CDHR1: variants seen among roughly 807,000 people sequenced by gnomAD.
CDHR1 encodes cadherin related family member 1, also known as cadherin-related family member 1.
Under a neutral mutation model 72.1 loss-of-function variants are expected in CDHR1, and 61 were observed. The observed-to-expected ratio is 0.85, with a 90% CI of 0.69 to 1.05. The LOEUF is 1.05. Ranked by LOEUF, CDHR1 falls within the 50% of genes least tolerant of loss-of-function variation. The probability of loss-of-function intolerance (pLI) is 0.00; values close to 1 mark genes in which losing one functional copy is unlikely to be tolerated. For missense variants in CDHR1, 1,186 were observed against 1,115.7 expected (o/e 1.06, Z -0.90); for synonymous variants, 470 against 448.1 (o/e 1.05, Z -0.62).
Position 84,215,573 on chromosome 10 carries a change from C to T in CDHR1, c.*952C>T. ...TTTAAAGTCGCTGATCATCCTCTTC[C>T]TCATCTGTAAATGAAGAAAGTAGGC... On this transcript the variant is annotated 3_prime_UTR_variant, in exon 17 of 17. Coordinates refer to ENST00000623527, the MANE Select transcript of CDHR1 (RefSeq NM_033100.4). 9.2e-6 allele frequency: 8 copies of T among 867,992 alleles called. No individual in the cohort carries two copies. Among genetic ancestry groups the T allele is most frequent in the Non-Finnish European group, 1.1e-5 (8 of 722,864 alleles). 53.8% of individuals were successfully genotyped at this position (867,992 alleles called of 1,614,324 possible).
At position 84,209,687 on chromosome 10, in the gene CDHR1, A is replaced by G. The variant is rs149751555; in HGVS notation, c.1320+806A>G. On this transcript the variant is annotated intron_variant, in intron 12 of 16. Transcript: ENST00000623527. ...TTAGAAACTCAGCAAAATTGCCAAC[A>G]TGGCTGATTACAAAGTTAATGCACA... 2.8e-3 allele frequency among the ~76,000 whole-genome samples: 425 copies of G among 152,186 alleles called. 1 individual carries two copies. Among genetic ancestry groups the G allele is most frequent in the African/African-American group, 9.9e-3 (411 of 41,544 alleles).
At chr10:84,205,701 G>A (rs1264533795) in intron 9 of CDHR1, 126 bp from the exon 10 acceptor site, 2 of 718,634 alleles carry the variant, frequency 2.8e-6, no homozygotes, top group Non-Finnish European at 5.0e-6. Flanking sequence ...ATGTTGACAA[G>A]ACACAGATGA....
chr10:84,209,256 T>A (rs1419890386), intron 12 of CDHR1, among the ~76,000 whole-genome samples: 1 of 152,254 alleles, frequency 6.6e-6, no homozygotes, highest in Non-Finnish European at 1.5e-5. Context: ...AATACTTCTG[T>A]GATATCATTT....
chr10:84,216,073 G>T lies in CDHR1; in HGVS notation c.*1452G>T. ...ACAGAAGTCATACAAGGCCTCTGGG[G>T]TTAATACAAATAGGTTGTGCCCTGC... On this transcript the variant is annotated 3_prime_UTR_variant, in exon 17 of 17. Transcript: ENST00000623527. 1 of 985,444 alleles carries T rather than the reference G, an allele frequency of 1.0e-6. No individual in the cohort carries two copies. Among genetic ancestry groups the T allele is most frequent in the Non-Finnish European group, 1.2e-6 (1 of 829,946 alleles). 61.0% of individuals were successfully genotyped at this position (985,444 alleles called of 1,614,324 possible).
At chr10:84,202,809 AC>A (rs1237129592) in intron 7 of CDHR1, among the ~76,000 whole-genome samples, 170 bp from the exon 8 acceptor site, 1 of 152,256 alleles carries the variant, frequency 6.6e-6, no homozygotes, top group African/African-American at 2.4e-5. Flanking sequence ...AACATTCCCA[AC>A]ACTCCTGTGA....
Position 84,200,080 on chromosome 10 carries a change from G to T in CDHR1, c.439-521G>T, listed in dbSNP as rs143286014. ...AGCTACTCGAGAGGCTGAGGCAGGA[G>T]AATCGCTTGAACCCAGGAGGCAGAG... On this transcript the variant is annotated intron_variant, in intron 5 of 16. Coordinates refer to ENST00000623527, the MANE Select transcript of CDHR1 (RefSeq NM_033100.4). Among the ~76,000 whole-genome samples the T allele has an allele frequency of 1.8e-3, 278 of 151,736 alleles. 1 individual carries two copies. Among genetic ancestry groups the T allele is most frequent in the African/African-American group, 6.4e-3 (266 of 41,358 alleles).
Position 84,214,553 on chromosome 10 carries a change from T to C in CDHR1, c.2512T>C (p.Ser838Pro), listed in dbSNP as rs1842397251. The C allele has an allele frequency of 6.2e-7, 1 of 1,601,364 alleles. No individual in the cohort carries two copies. The highest frequency in any genetic ancestry group is 8.5e-7 in the Non-Finnish European group (1 of 1,179,930). Residue 838 changes from serine to proline, a missense_variant, in exon 17 of 17, where the codon TCA becomes CCA. By Grantham distance (74) the Ser-to-Pro change is moderately conservative. Coordinates refer to ENST00000623527, the MANE Select transcript of CDHR1 (RefSeq NM_033100.4). ...KPKTMGSPVQ[S>P]TLISELKQKF... The stretch of plus-strand genomic sequence containing the variant: ...CAAAACTATGGGAAGCCCCGTCCAG[T>C]CAACTCTGATCTCTGAGCTCAAGCA...
intron 9 of CDHR1, 101 bp from the exon 10 acceptor site, chr10:84,205,726 A>G (rs906805302): frequency 3.9e-6 from 3 of 778,918 alleles, no homozygotes; most frequent in Non-Finnish European, 4.5e-6. Context: ...ATTCCATTCT[A>G]TGAAGACTTC....
intron 6 of CDHR1, 120 bp from the exon 7 acceptor site, chr10:84,201,687 A>G: frequency 1.3e-6 from 1 of 780,026 alleles, no homozygotes; most frequent in Non-Finnish European, 2.2e-6. Flanking sequence ...TGAAGTAGGA[A>G]CCTCAGCCCT....
In CDHR1 at chr10:84,218,061, AG is replaced by A; in HGVS notation, c.*3444del. On this transcript the variant is annotated 3_prime_UTR_variant, in exon 17 of 17. Transcript: ENST00000623527. ...GGAATCCAAGGCCAGTCCACCTGCC[AG>A]GGGTGTTGGCATCTGTTGACAGGCA... 1.0e-6 allele frequency: 1 copy of A among 985,500 alleles called. No homozygotes were observed. 61.0% of individuals were successfully genotyped at this position (985,500 alleles called of 1,614,324 possible). A position where few individuals can be genotyped will look rare whatever the true frequency, so the allele number is the denominator to read the frequency against.
chr10:84,194,680 C>T lies in CDHR1; in HGVS notation c.-81C>T, dbSNP rs965161012. 1 of 1,232,442 alleles carries T rather than the reference C, an allele frequency of 8.1e-7. No homozygotes were observed. Among genetic ancestry groups the T allele is most frequent in the Non-Finnish European group, 1.1e-6 (1 of 938,778 alleles). 76.3% of individuals were successfully genotyped at this position (1,232,442 alleles called of 1,614,324 possible). ...CGCTACCCCCATTGTGGTCTCTGCC[C>T]TCCCCGCGGGCCCAGGGCATGCTCC... On this transcript the variant is annotated 5_prime_UTR_variant, in exon 1 of 17. Transcript: ENST00000623527.
chr10:84,218,105 TCTTCAAGGCCTTGGC>T lies in CDHR1; in HGVS notation c.*3486_*3500del. On this transcript the variant is annotated 3_prime_UTR_variant, in exon 17 of 17. Transcript: ENST00000623527. Reference sequence around the variant, plus strand: ...GACAGGCAGTGGCACATCCTGACAGTCTTCAAGGCCTTGGCCACCAAGGGATGGAGAGGGAGAATG... The same window carrying T: ...GACAGGCAGTGGCACATCCTGACAGTCACCAAGGGATGGAGAGGGAGAATG... The T allele has an allele frequency of 2.0e-6, 2 of 985,392 alleles. No homozygotes were observed. The highest frequency in any genetic ancestry group is 2.4e-6 in the Non-Finnish European group (2 of 829,926). 61.0% of individuals were successfully genotyped at this position (985,392 alleles called of 1,614,324 possible). A position where few individuals can be genotyped will look rare whatever the true frequency, so the allele number is the denominator to read the frequency against.
At position 84,214,267 on chromosome 10, in the gene CDHR1, G is replaced by A. The variant is rs1459266187; in HGVS notation, c.2226G>A (p.Lys742=). ...KVLPMRRVLR[K]RPSPAPRTIR... ...TGCCAATGCGGCGGGTGCTCCGCAA[G>A]CGGCCCAGCCCTGCGCCCCGCACCA... The change falls in exon 17 of 17, where the codon AAG becomes AAA. Residue 742 remains lysine (K), a synonymous_variant. Transcript: ENST00000623527. 5.0e-6 allele frequency: 8 copies of A among 1,613,638 alleles called. No individual in the cohort carries two copies. Among genetic ancestry groups the A allele is most frequent in the Non-Finnish European group, 6.8e-6 (8 of 1,180,040 alleles).
intron 9 of CDHR1, among the ~76,000 whole-genome samples, chr10:84,204,893 T>A (rs958148889): frequency 6.6e-6 from 1 of 152,246 alleles, no homozygotes; most frequent in Non-Finnish European, 1.5e-5. Flanking sequence ...TTGATGGGAA[T>A]GCGTGGCAAC....
Position 84,214,650 on chromosome 10 carries a change from T to C in CDHR1, c.*29T>C. 1 of 1,554,646 alleles carries C rather than the reference T, an allele frequency of 6.4e-7. No individual in the cohort carries two copies. Among genetic ancestry groups the C allele is most frequent in the African/African-American group, 1.4e-5 (1 of 73,670 alleles). ...ATGCCCTATGACCCCCCATCTTTCC[T>C]CCGCCCCTGACCCCCACCACCCTGC... On this transcript the variant is annotated 3_prime_UTR_variant, in exon 17 of 17. Transcript: ENST00000623527.
chr10:84,207,467 A>C (rs1364642638), intron 10 of CDHR1, among the ~76,000 whole-genome samples: 1 of 152,128 alleles, frequency 6.6e-6, no homozygotes, highest in Non-Finnish European at 1.5e-5. Context: ...AGTGTCAAGG[A>C]GTGGAGTCCA....
At chr10:84,203,190 A>G in intron 8 of CDHR1, 67 bp downstream of exon 8, 1 of 1,599,484 alleles carries the variant, frequency 6.3e-7, no homozygotes, top group Non-Finnish European at 8.6e-7. Flanking sequence ...TTGTGATTTT[A>G]GGGACCCCCT....
intron 4 of CDHR1, among the ~76,000 whole-genome samples, chr10:84,198,247 G>A (rs1842061596): frequency 6.6e-6 from 1 of 152,210 alleles, no homozygotes; most frequent in Admixed American, 6.5e-5. Flanking sequence ...CTGGCCTCCA[G>A]GCTCTCCGAC....
rs1841995493 is a variant in CDHR1 at position 84,194,732 on chromosome 10, G to T, written c.-29G>T. 4 of 1,470,694 alleles carry T rather than the reference G, an allele frequency of 2.7e-6. No individual in the cohort carries two copies. The highest frequency in any genetic ancestry group is 1.5e-5 in the African/African-American group (1 of 67,710). 91.1% of individuals were successfully genotyped at this position (1,470,694 alleles called of 1,614,324 possible). A position where few individuals can be genotyped will look rare whatever the true frequency, so the allele number is the denominator to read the frequency against. On this transcript the variant is annotated 5_prime_UTR_variant, in exon 1 of 17. Transcript: ENST00000623527. ...TGCCCCTGCGCCCGGTCTCGGCGGC[G>T]GCAGGCGACACTCCGCGCCGGCGGA...
Sources: gnomAD v4.1 joint callset for allele counts (sites outside exome capture counted in the v4.1 genomes callset) on GRCh38, gnomAD v4.1.1 for gene constraint, MANE v1.5 for transcripts, NCBI Gene and HGNC (gene_info 2026-07-23, HGNC 2026-07-21) for gene names.